Variants in CTNNA2 observed in about 807,000 individuals in gnomAD.
The protein encoded by CTNNA2 is catenin alpha-2.
A neutral mutation model predicts 101.0 loss-of-function variants in CTNNA2; 42 were observed. That is an observed-to-expected ratio of 0.42 (90% CI 0.32 to 0.54). The LOEUF (loss-of-function observed/expected upper bound fraction) is 0.54, where lower values mean the gene tolerates loss of function less well. Ranked by LOEUF, CTNNA2 falls within the 20% of genes least tolerant of loss-of-function variation. CTNNA2 has a pLI of 0.14. For missense variants in CTNNA2, 871 were observed against 1,223.1 expected, an observed-to-expected ratio of 0.71 and a Z score of 4.29; for synonymous variants, 450 against 456.4, an observed-to-expected ratio of 0.99 and a Z score of 0.18.
intron 7 of CTNNA2, among the ~76,000 whole-genome samples, chr2:80,098,635 G>A (rs566284702): frequency 5.9e-5 from 9 of 152,312 alleles, no homozygotes; most frequent in East Asian, 5.8e-4. Flanking sequence ...AGGCCTCCCC[G>A]AGCTGTGGTG....
chr2:80,177,569 T>C lies in CTNNA2; in HGVS notation c.1057-215642T>C, dbSNP rs920310291. Among the ~76,000 whole-genome samples the C allele has an allele frequency of 9.8e-5, 15 of 152,286 alleles. No homozygotes were observed. The East Asian group carries it at 2.9e-3, about 30-fold the overall frequency. ...CCATCTCTGTTACCATGGCCACTTT[T>C]TTCATGGGCCCACTGGGCAATGACA... is the stretch of plus-strand genomic sequence containing the variant. On this transcript the variant is annotated intron_variant, in intron 7 of 18. Transcript: ENST00000402739.
chr2:80,211,158 G>A (rs541010002), intron 7 of CTNNA2, among the ~76,000 whole-genome samples: 9 of 152,074 alleles, frequency 5.9e-5, no homozygotes, highest in African/African-American at 1.9e-4. Context: ...TTCTCCCATT[G>A]TGTAGGTTGC....
chr2:80,252,174 G>A (rs1671817507), intron 7 of CTNNA2, among the ~76,000 whole-genome samples: 1 of 152,124 alleles, frequency 6.6e-6, no homozygotes, highest in Non-Finnish European at 1.5e-5. Context: ...GGGAGCTCTT[G>A]AAGGAAAAGG....
chr2:79,438,214 A>C (rs1302348043), intron 4 of CTNNA2, among the ~76,000 whole-genome samples: 1 of 152,134 alleles, frequency 6.6e-6, no homozygotes, highest in Admixed American at 6.5e-5. Flanking sequence ...AATTACCCCA[A>C]AGCTCTAGAG....
intron 2 of CTNNA2, among the ~76,000 whole-genome samples, chr2:79,310,559 GTGT>G (rs1376727421): frequency 2.0e-5 from 3 of 152,174 alleles, no homozygotes; most frequent in African/African-American, 7.2e-5. Context: ...CACTTATTGG[GTGT>G]TGTTGTCCAT....
intron 7 of CTNNA2, among the ~76,000 whole-genome samples, chr2:80,370,031 G>T (rs770682145): frequency 2.0e-5 from 3 of 152,068 alleles, no homozygotes; most frequent in Non-Finnish European, 2.9e-5. Context: ...AACTAATTTG[G>T]CAACACAGAT....
intron 3 of CTNNA2, among the ~76,000 whole-genome samples, chr2:79,749,003 T>C (rs771443125): frequency 8.5e-5 from 13 of 152,080 alleles, no homozygotes; most frequent in Non-Finnish European, 1.5e-4. Flanking sequence ...GGGAGAAGTC[T>C]AGTGGCAGCA....
chr2:79,675,007 G>T (rs1216566091), intron 2 of CTNNA2, among the ~76,000 whole-genome samples: 2 of 152,106 alleles, frequency 1.3e-5, no homozygotes, highest in Non-Finnish European at 2.9e-5. Flanking sequence ...TAAATATCTT[G>T]TATGGAACAG....
intron 2 of CTNNA2, among the ~76,000 whole-genome samples, chr2:79,730,942 T>C (rs1687159102): frequency 6.6e-6 from 1 of 152,070 alleles, no homozygotes. Context: ...ATGAGGTTTA[T>C]ATCCATACTT....
chr2:80,083,508 C>T (rs1333295218), intron 7 of CTNNA2, among the ~76,000 whole-genome samples: 1 of 151,942 alleles, frequency 6.6e-6, no homozygotes, highest in Non-Finnish European at 1.5e-5. Flanking sequence ...GGGTATTCTA[C>T]GCATCTCCAG....
intron 1 of CTNNA2, among the ~76,000 whole-genome samples, chr2:79,519,312 TA>T (rs1671977834): frequency 6.6e-6 from 1 of 151,968 alleles, no homozygotes; most frequent in Non-Finnish European, 1.5e-5. Flanking sequence ...GCCTTTCATG[TA>T]TTTTTTTTAT....
intron 7 of CTNNA2, among the ~76,000 whole-genome samples, chr2:79,982,785 A>G (rs1394053598): frequency 4.6e-5 from 7 of 152,230 alleles, no homozygotes; most frequent in South Asian, 4.2e-4. Context: ...CAGACATACA[A>G]TTAGTTGAGT....
chr2:80,517,915 G>A (rs190968756), intron 9 of CTNNA2, among the ~76,000 whole-genome samples: 48 of 152,224 alleles, frequency 3.2e-4, no homozygotes, highest in Middle Eastern at 3.4e-3. Context: ...TTGTCAGTAT[G>A]GATCACACTA....
intron 6 of CTNNA2, among the ~76,000 whole-genome samples, chr2:79,886,750 CAAAAAAAAA>C (rs1168632966): frequency 4.3e-5 from 1 of 23,240 alleles, no homozygotes; most frequent in Non-Finnish European, 6.9e-5. Context: ...GACTCCATCT[CAAAAAAAAA>C]AAAAAAAAAA....
intron 7 of CTNNA2, among the ~76,000 whole-genome samples, chr2:79,998,197 A>G (rs1385698928): frequency 6.6e-6 from 1 of 152,210 alleles, no homozygotes; most frequent in Non-Finnish European, 1.5e-5. Context: ...ACTAGCCAAG[A>G]TGAATAGTAG....
At chr2:80,047,809 A>G (rs1038914138) in intron 7 of CTNNA2, among the ~76,000 whole-genome samples, 1 of 152,232 alleles carries the variant, frequency 6.6e-6, no homozygotes, top group African/African-American at 2.4e-5. Flanking sequence ...TGAAAAGAAT[A>G]TAAGAACACA....
rs189643583 is a variant in CTNNA2, at chr2:79,854,113, G to T, written c.299-3900G>T. 5.6e-5 allele frequency among the ~76,000 whole-genome samples: 8 copies of T among 143,448 alleles called. No homozygotes were observed. The East Asian group carries it at 1.6e-3, about 29-fold the overall frequency. The allele number at this position is 143,448 out of a possible 152,430, so 94.1% of individuals were successfully genotyped here. On this transcript the variant is annotated intron_variant, in intron 3 of 18. Transcript: ENST00000402739. ...AACCAGAATAAGCACTGATTTAAAA[G>T]CAGAGCACCATTTTTTTTTTATATA...
chr2:79,894,277 C>T (rs1684539482), intron 6 of CTNNA2, among the ~76,000 whole-genome samples: 1 of 151,960 alleles, frequency 6.6e-6, no homozygotes, highest in Non-Finnish European at 1.5e-5. Flanking sequence ...GCTAATCAGG[C>T]CCATATTTTT....
chr2:80,430,398 C>G (rs912714811), intron 9 of CTNNA2, among the ~76,000 whole-genome samples: 3 of 152,062 alleles, frequency 2.0e-5, no homozygotes, highest in African/African-American at 7.2e-5. Flanking sequence ...GATGAGAAAC[C>G]TGAGGCTCAA....
Sources: allele counts gnomAD v4.1 joint callset (sites outside exome capture counted in the v4.1 genomes callset), GRCh38; gene constraint gnomAD v4.1.1; transcripts MANE v1.5; gene names NCBI Gene and HGNC (gene_info 2026-07-23, HGNC 2026-07-21).